The following STK32B variants were observed in gnomAD, a reference collection of about 807,000 sequenced individuals.
STK32B encodes the protein serine/threonine-protein kinase 32B.
In STK32B, 43 loss-of-function variants were observed where a neutral mutation model predicts 52.6. The observed-to-expected ratio is 0.82, with a 90% CI of 0.64 to 1.05. The LOEUF (loss-of-function observed/expected upper bound fraction) is 1.05. Among genes scored for constraint, STK32B ranks in the 50% least tolerant of loss-of-function variants. The probability of loss-of-function intolerance (pLI) is 0.00; values close to 1 mark genes in which losing one functional copy is unlikely to be tolerated. For synonymous variants in STK32B, 238 were observed against 204.3 expected, an observed-to-expected ratio of 1.17 and a Z score of -1.41; for missense variants, 621 against 534.6, an observed-to-expected ratio of 1.16 and a Z score of -1.59.
chr4:5,442,267 G>C (rs989379410), intron 6 of STK32B, among the ~76,000 whole-genome samples: 6 of 148,996 alleles, frequency 4.0e-5, no homozygotes, highest in African/African-American at 1.5e-4. Flanking sequence ...CTCAGGACTT[G>C]CTTCATGAAT....
chr4:5,272,320 T>C (rs1306398184), intron 3 of STK32B, among the ~76,000 whole-genome samples: 46 of 149,180 alleles, frequency 3.1e-4, no homozygotes, highest in African/African-American at 1.1e-3. Flanking sequence ...TTGATTTGTG[T>C]ATATTGAACC....
At chr4:5,464,622 C>T (rs544136770) in intron 9 of STK32B, among the ~76,000 whole-genome samples, 2 of 152,190 alleles carry the variant, frequency 1.3e-5, no homozygotes, top group Non-Finnish European at 2.9e-5. Flanking sequence ...CAGGTCTGAG[C>T]GTGTTCTGTG....
chr4:5,497,497 C>T (rs1407290614), intron 11 of STK32B, among the ~76,000 whole-genome samples: 2 of 152,196 alleles, frequency 1.3e-5, no homozygotes, highest in African/African-American at 4.8e-5. Flanking sequence ...TAACCATGAC[C>T]ACCTTTCCCA....
At chr4:5,024,778 CT>C in the STK32B span, among the ~76,000 whole-genome samples, 11 of 152,346 alleles carry the variant, frequency 7.2e-5, no homozygotes, top group East Asian at 1.4e-3. Context: ...CTCTTAATGC[CT>C]CCCAGAAGTA....
chr4:5,173,980 G>A (rs1354328541), intron 3 of STK32B, among the ~76,000 whole-genome samples: 1 of 152,138 alleles, frequency 6.6e-6, no homozygotes, highest in Non-Finnish European at 1.5e-5. Context: ...TTATAAATCT[G>A]GGTGCTCCTG....
intron 3 of STK32B, among the ~76,000 whole-genome samples, chr4:5,305,714 G>C (rs573959466): frequency 6.6e-6 from 1 of 151,692 alleles, no homozygotes; most frequent in African/African-American, 2.4e-5. Flanking sequence ...AGTTCTGCTC[G>C]GATCTTGGCT....
intron 5 of STK32B, among the ~76,000 whole-genome samples, chr4:5,413,138 C>A (rs1711848162): frequency 6.6e-6 from 1 of 152,170 alleles, no homozygotes; most frequent in Non-Finnish European, 1.5e-5. Flanking sequence ...CCTAACCATC[C>A]TGTTAAGCCC....
intron 3 of STK32B, among the ~76,000 whole-genome samples, chr4:5,189,014 T>TA (rs78002999): frequency 0.01 from 1,456 of 143,548 alleles, 14 homozygotes; most frequent in Middle Eastern, 0.026. Context: ...AGGTATAATT[T>TA]AAAAAAAAAA....
chr4:5,279,616 G>A (rs1290555430), intron 3 of STK32B, among the ~76,000 whole-genome samples: 2 of 152,202 alleles, frequency 1.3e-5, no homozygotes, highest in Admixed American at 6.5e-5. Context: ...CAGTGCCCCA[G>A]TGGGGACTCT....
intron 1 of STK32B, among the ~76,000 whole-genome samples, chr4:5,112,339 T>A (rs1395596332): frequency 6.6e-6 from 1 of 152,294 alleles, no homozygotes; most frequent in Admixed American, 6.5e-5. Context: ...TTCAGGAGAC[T>A]AAGACATCCC....
intron 4 of STK32B, among the ~76,000 whole-genome samples, chr4:5,376,450 A>G (rs1201598219): frequency 6.7e-6 from 1 of 148,438 alleles, no homozygotes; most frequent in Non-Finnish European, 1.5e-5. Flanking sequence ...CATTGCTCCC[A>G]TTTTGGCCTA....
chr4:5,338,780 T>TG lies in STK32B; in HGVS notation c.434+7391dup, dbSNP rs200837306. ...CTGCTCTTAGATTCCAGATCTACCCTGGGGAAAAGGAGATATCCAGTAATT... is the reference window on the plus strand; with the variant it reads ...CTGCTCTTAGATTCCAGATCTACCCTGGGGGAAAAGGAGATATCCAGTAATT... On this transcript the variant is annotated intron_variant, in intron 4 of 11. Coordinates refer to ENST00000282908, the MANE Select transcript of STK32B (RefSeq NM_018401.3). Among the ~76,000 whole-genome samples, 131 of 152,318 alleles carry TG rather than the reference T, an allele frequency of 8.6e-4. 2 individuals carry two copies. The East Asian group carries it at 0.021, about 24-fold the overall frequency.
At chr4:5,498,183 G>A (rs1293761020) in intron 11 of STK32B, among the ~76,000 whole-genome samples, 3 of 152,124 alleles carry the variant, frequency 2.0e-5, no homozygotes, top group Admixed American at 6.6e-5. Context: ...CTCCTTAAAC[G>A]TCTCCATTCC....
rs1735754462 is a variant in STK32B at position 5,378,932 on chromosome 4, T to C, written c.435-19275T>C. 6.6e-6 allele frequency among the ~76,000 whole-genome samples: 1 copy of C among 152,142 alleles called. No homozygotes were observed. Among genetic ancestry groups the C allele is most frequent in the Non-Finnish European group, 1.5e-5 (1 of 68,024 alleles). On this transcript the variant is annotated intron_variant, in intron 4 of 11. Transcript: ENST00000282908. This position sits in a 1 kb window ranked among gnomAD's most constrained non-coding sequence, Gnocchi z 4.4. ...GGGTGACAATTCTACCCTGCCTCTGTGAGACCCCAGGAGATGGCTGACAAA... is the reference window on the plus strand; with the variant it reads ...GGGTGACAATTCTACCCTGCCTCTGCGAGACCCCAGGAGATGGCTGACAAA...
chr4:5,095,862 G>A (rs1208760001), intron 1 of STK32B, among the ~76,000 whole-genome samples: 3 of 152,158 alleles, frequency 2.0e-5, no homozygotes, highest in African/African-American at 7.2e-5. Context: ...GTCATTTGGG[G>A]ACATAATATG....
chr4:5,332,914 G>A (rs1225283977), intron 4 of STK32B, among the ~76,000 whole-genome samples: 4 of 152,080 alleles, frequency 2.6e-5, no homozygotes, highest in African/African-American at 9.7e-5. Context: ...ATTTGGGTTG[G>A]TTCCAAGTCT....
chr4:5,229,977 C>T (rs1363040724), intron 3 of STK32B, among the ~76,000 whole-genome samples: 1 of 151,696 alleles, frequency 6.6e-6, no homozygotes, highest in African/African-American at 2.4e-5. Context: ...TGCCCCAAAC[C>T]TACTACTTTA....
At chr4:5,102,853 C>T (rs1363150022) in intron 1 of STK32B, among the ~76,000 whole-genome samples, 1 of 34,942 alleles carries the variant, frequency 2.9e-5, no homozygotes, top group African/African-American at 9.5e-5. Flanking sequence ...TCTCTCCTCC[C>T]CCTCCCTCCC....
At chr4:5,239,748 A>C (rs1269899707) in intron 3 of STK32B, among the ~76,000 whole-genome samples, 1 of 151,540 alleles carries the variant, frequency 6.6e-6, no homozygotes, top group Non-Finnish European at 1.5e-5. Context: ...GGTTATACTA[A>C]ATAAGAGTCA....
Sources: gnomAD v4.1 joint callset for allele counts (sites outside exome capture counted in the v4.1 genomes callset) on GRCh38, gnomAD v4.1.1 for gene constraint, Gnocchi (gnomAD v3.1) non-coding constraint, MANE v1.5 for transcripts, NCBI Gene and HGNC (gene_info 2026-07-23, HGNC 2026-07-21) for gene names.